Variants in SHLD1 observed in about 807,000 individuals in gnomAD.
SHLD1 encodes shieldin complex subunit 1, also known as RINN1-REV7-interacting novel NHEJ regulator 3.
SHLD1 carries 3 observed loss-of-function variants against 5.5 expected under a neutral mutation model. The observed-to-expected ratio is 0.54, with a 90% confidence interval of 0.25 to 1.40. The LOEUF is 1.40. Ranked by LOEUF, SHLD1 falls within the 40% of genes most tolerant of loss-of-function variation. The probability of loss-of-function intolerance (pLI) is 0.15; values close to 1 mark genes in which losing one functional copy is unlikely to be tolerated. For missense variants in SHLD1, 210 were observed against 244.4 expected, an observed-to-expected ratio of 0.86 and a Z score of 0.94; for synonymous variants, 92 against 94.3, an observed-to-expected ratio of 0.98 and a Z score of 0.14.
chr20:5,826,723 T>C (rs1415377536), intron 2 of SHLD1, among the ~76,000 whole-genome samples: 4 of 152,164 alleles, frequency 2.6e-5, no homozygotes, highest in African/African-American at 9.7e-5. Flanking sequence ...TAGTTTGGGA[T>C]GTTGACCAAG....
At chr20:5,757,936 T>TTAGTAGA (rs1984213608) in intron 1 of SHLD1, among the ~76,000 whole-genome samples, 2 of 152,198 alleles carry the variant, frequency 1.3e-5, no homozygotes, top group African/African-American at 2.4e-5. Context: ...AAAACAACTT[T>TTAGTAGA]GAATTCCTGG....
rs150076385 is a variant in SHLD1 at position 5,847,667 on chromosome 20, C to T, written c.179-15357C>T. Among the ~76,000 whole-genome samples, 526 of 152,224 alleles carry T rather than the reference C, an allele frequency of 3.5e-3. 2 individuals carry two copies. Among genetic ancestry groups the T allele is most frequent in the African/African-American group, 0.012 (489 of 41,542 alleles). ...CCCCTAACTGTATGAAAAGCAGCTCCGCCATAGAAGTTGTCAGGGAAATGG... is the reference window on the plus strand; with the variant it reads ...CCCCTAACTGTATGAAAAGCAGCTCTGCCATAGAAGTTGTCAGGGAAATGG... On this transcript the variant is annotated intron_variant, in intron 2 of 2. Transcript: ENST00000303142.
intron 2 of SHLD1, among the ~76,000 whole-genome samples, chr20:5,857,476 CCTT>C (rs2088103625): frequency 6.6e-6 from 1 of 152,076 alleles, no homozygotes; most frequent in Non-Finnish European, 1.5e-5. Context: ...GCCACATACT[CCTT>C]CTTTCCTTAA....
chr20:5,841,312 T>C (rs1002502102), intron 2 of SHLD1, among the ~76,000 whole-genome samples: 1 of 152,144 alleles, frequency 6.6e-6, no homozygotes, highest in Non-Finnish European at 1.5e-5. Flanking sequence ...TATATGTGGG[T>C]GTATACCCAC....
chr20:5,770,081 G>A (rs1303579420), intron 1 of SHLD1, among the ~76,000 whole-genome samples: 1 of 151,196 alleles, frequency 6.6e-6, no homozygotes, highest in Non-Finnish European at 1.5e-5. Flanking sequence ...CACTGTTAGT[G>A]TTCGGCTACT....
intron 2 of SHLD1, among the ~76,000 whole-genome samples, chr20:5,844,788 TATATATATA>T (rs1242618551): frequency 1.7e-4 from 18 of 106,734 alleles, no homozygotes; most frequent in African/African-American, 5.6e-4. Context: ...TATATATATA[TATATATATA>T]TATTTTTTTT....
rs2087719190 is a variant in SHLD1, at chr20:5,830,706, A to G, written c.179-32318A>G. ...TCCGTCTTAAAAAAAAAAAAAAAAA[A>G]GCAATGTAGGTGTTAGAATGGTGGT... is the stretch of plus-strand genomic sequence containing the variant. On this transcript the variant is annotated intron_variant, in intron 2 of 2. Coordinates refer to ENST00000303142, the MANE Select transcript of SHLD1 (RefSeq NM_152504.4). Among the ~76,000 whole-genome samples, 4 of 140,874 alleles carry G rather than the reference A, an allele frequency of 2.8e-5. No homozygotes were observed. In the South Asian group the frequency reaches 8.8e-4, roughly 31 times the overall value. The allele number at this position is 140,874 out of a possible 152,430, so 92.4% of individuals were successfully genotyped here.
chr20:5,820,109 G>T (rs184747999), intron 2 of SHLD1, among the ~76,000 whole-genome samples: 3 of 152,014 alleles, frequency 2.0e-5, no homozygotes, highest in African/African-American at 2.4e-5. Flanking sequence ...CACCATGCCT[G>T]GCTGATTTTT....
Position 5,773,060 on chromosome 20 carries a change from A to G in SHLD1, c.178+17A>G, listed in dbSNP as rs1391376225. The G allele has an allele frequency of 7.4e-6, 12 of 1,613,790 alleles. No homozygotes were observed. The highest frequency in any genetic ancestry group is 1.0e-5 in the Non-Finnish European group (12 of 1,179,750). On this transcript the variant is annotated intron_variant, in intron 2 of 2. Coordinates refer to ENST00000303142, the MANE Select transcript of SHLD1 (RefSeq NM_152504.4). ...TGGATCCAGGTAATAAGCAGAGTTTAAAACAAACTAACTTAAAAACAACTA... is the reference window on the plus strand; with the variant it reads ...TGGATCCAGGTAATAAGCAGAGTTTGAAACAAACTAACTTAAAAACAACTA...
chr20:5,802,004 C>T (rs1324110264), intron 2 of SHLD1, among the ~76,000 whole-genome samples: 4 of 152,052 alleles, frequency 2.6e-5, no homozygotes, highest in Admixed American at 6.6e-5. Context: ...CTAAACTTAC[C>T]ACAGGAAAAA....
rs567878861 is a variant in SHLD1 at position 5,784,421 on chromosome 20, G to T, written c.178+11378G>T. ...ATAGTCACTGGAGAGGATAATAATA[G>T]AATTATTTTATTTATTTATTTATTT... On this transcript the variant is annotated intron_variant, in intron 2 of 2. Coordinates refer to ENST00000303142, the MANE Select transcript of SHLD1 (RefSeq NM_152504.4). Among the ~76,000 whole-genome samples, 26 of 151,648 alleles carry T rather than the reference G, an allele frequency of 1.7e-4. No homozygotes were observed. The East Asian group carries it at 4.4e-3, about 26-fold the overall frequency.
chr20:5,837,307 G>A (rs528843471), intron 2 of SHLD1, among the ~76,000 whole-genome samples: 16 of 151,812 alleles, frequency 1.1e-4, no homozygotes, highest in Non-Finnish European at 1.5e-4. Flanking sequence ...TTTTTCTTCC[G>A]CTTTTATTGT....
intron 2 of SHLD1, among the ~76,000 whole-genome samples, chr20:5,810,852 G>A (rs912255584): frequency 1.4e-5 from 2 of 146,992 alleles, no homozygotes; most frequent in African/African-American, 5.0e-5. Context: ...GTGAGCAGAT[G>A]TCATGCCACT....
intron 2 of SHLD1, among the ~76,000 whole-genome samples, chr20:5,837,637 A>T (rs1173354636): frequency 6.6e-6 from 1 of 152,212 alleles, no homozygotes; most frequent in Non-Finnish European, 1.5e-5. Context: ...CCTGCAAAGG[A>T]CATGATCTCG....
intron 1 of SHLD1, among the ~76,000 whole-genome samples, chr20:5,758,509 C>G (rs192367325): frequency 5.9e-5 from 9 of 151,738 alleles, no homozygotes; most frequent in African/African-American, 1.2e-4. Flanking sequence ...ACCTCCACCC[C>G]CTGAGTTCAA....
At chr20:5,842,359 T>C (rs1440072354) in intron 2 of SHLD1, among the ~76,000 whole-genome samples, 1 of 152,222 alleles carries the variant, frequency 6.6e-6, no homozygotes, top group Non-Finnish European at 1.5e-5. Context: ...GCAATCTGGG[T>C]ATGACATTTA....
At chr20:5,759,741 A>G (rs867682225) in intron 1 of SHLD1, among the ~76,000 whole-genome samples, 1 of 151,928 alleles carries the variant, frequency 6.6e-6, no homozygotes, top group Non-Finnish European at 1.5e-5. Flanking sequence ...GGGTTTCACC[A>G]TGTTACCCAG....
intron 2 of SHLD1, among the ~76,000 whole-genome samples, chr20:5,809,000 T>C (rs576775170): frequency 5.3e-5 from 8 of 151,146 alleles, no homozygotes; most frequent in Non-Finnish European, 1.2e-4. Context: ...GTGGCATTTT[T>C]TATGAGTTGC....
chr20:5,815,763 A>G (rs1438350860), intron 2 of SHLD1, among the ~76,000 whole-genome samples: 1 of 152,122 alleles, frequency 6.6e-6, no homozygotes, highest in Non-Finnish European at 1.5e-5. Flanking sequence ...AGGAATTCCC[A>G]TACTTAGGAA....
Sources: allele counts gnomAD v4.1 joint callset (sites outside exome capture counted in the v4.1 genomes callset), GRCh38; gene constraint gnomAD v4.1.1; transcripts MANE v1.5; gene names NCBI Gene and HGNC (gene_info 2026-07-23, HGNC 2026-07-21).